Variants in ZFR observed in about 807,000 individuals in gnomAD.
The protein encoded by ZFR is zinc finger RNA binding protein, also known as zinc finger RNA-binding protein.
In ZFR, 19 loss-of-function variants were observed where a neutral mutation model predicts 130.7. The observed-to-expected ratio is 0.15, with a 90% CI of 0.10 to 0.21. ZFR has a LOEUF of 0.21. Among genes scored for constraint, ZFR ranks in the 10% least tolerant of loss-of-function variants. The probability of loss-of-function intolerance (pLI) is 1.00; values close to 1 mark genes in which losing one functional copy is unlikely to be tolerated. For missense variants in ZFR, 872 were observed against 1,321.5 expected (o/e 0.66, Z 5.27); for synonymous variants, 466 against 456.9 (o/e 1.02, Z -0.25).
At chr5:32,368,722 A>G (rs1479203785) in intron 17 of ZFR, among the ~76,000 whole-genome samples, 4 of 152,220 alleles carry the variant, frequency 2.6e-5, no homozygotes, top group Admixed American at 2.6e-4. Context: ...TATCCTCTTC[A>G]TTATAGCTAC....
In ZFR at chr5:32,438,253, A is replaced by ATTTTTTTTTTTTTT. The variant is rs869249272; in HGVS notation, c.137+5962_137+5975dup. On this transcript the variant is annotated intron_variant, in intron 2 of 19. Transcript: ENST00000265069. ...AGAATGCTACTGATTTTATCTGAAA[A>ATTTTTTTTTTTTTT]TTTTTTTTTTTTTTTTTTTTTTTTT... Among the ~76,000 whole-genome samples, 334 of 60,978 alleles carry ATTTTTTTTTTTTTT rather than the reference A, an allele frequency of 5.5e-3. 41 individuals carry two copies. The highest frequency in any genetic ancestry group is 5.7e-3 in the Non-Finnish European group (191 of 33,398). The allele number at this position is 60,978 out of a possible 152,430, so 40.0% of individuals were successfully genotyped here.
intron 17 of ZFR, among the ~76,000 whole-genome samples, chr5:32,376,102 A>C (rs1005246922): frequency 1.3e-5 from 2 of 149,264 alleles, no homozygotes; most frequent in South Asian, 4.3e-4. Flanking sequence ...TCGGCCTCCT[A>C]AAGTGCTGGG....
At chr5:32,409,355 G>C (rs1275632944) in intron 5 of ZFR, among the ~76,000 whole-genome samples, 1 of 152,060 alleles carries the variant, frequency 6.6e-6, no homozygotes, top group East Asian at 1.9e-4. Context: ...CTAATACCAT[G>C]TAAGTGCTAT....
At chr5:32,400,351 T>A (rs911450533) in intron 8 of ZFR, 148 bp from the exon 9 acceptor site, 8 of 578,708 alleles carry the variant, frequency 1.4e-5, no homozygotes, top group Non-Finnish European at 2.2e-5. Context: ...AAGAACTACA[T>A]AAACTACTTG....
rs189784905 is a variant in ZFR at position 32,377,395 on chromosome 5, C to A, written c.2835+1720G>T. ...TTACAGGTGTGCATGTTGGTCAGGG[C>A]AGTCTTGATCTTCTGACCTTGTGAT... On this transcript the variant is annotated intron_variant, in intron 17 of 19. Transcript: ENST00000265069. Among the ~76,000 whole-genome samples, 4 of 150,946 alleles carry A rather than the reference C, an allele frequency of 2.6e-5. No individual in the cohort carries two copies. The East Asian group carries it at 8.3e-4, about 31-fold the overall frequency.
chr5:32,415,114 T>C lies in ZFR; in HGVS notation c.639A>G (p.Ile213Met). 1 of 1,614,190 alleles carries C rather than the reference T, an allele frequency of 6.2e-7. No individual in the cohort carries two copies. The highest frequency in any genetic ancestry group is 8.5e-7 in the Non-Finnish European group (1 of 1,180,026). ...TAGCTGGACTTGGTGTGGCTGGTTT[T>C]ATGGCTGTCACTTGTCGAGTTTGCT... ...QAQQTRQVTA[I>M]KPATPSPATT... Residue 213 changes from isoleucine to methionine, a missense_variant, in exon 5 of 20, where the codon ATA (isoleucine) becomes ATG (methionine). By Grantham distance (10) the Ile-to-Met change is conservative. This residue lies in a region of ZFR where 240 missense variants were observed against 441.2 expected (regional missense o/e 0.54). Transcript: ENST00000265069.
chr5:32,399,626 T>TA lies in ZFR; in HGVS notation c.1713+380dup, dbSNP rs199706498. 6.2e-3 allele frequency among the ~76,000 whole-genome samples: 947 copies of TA among 152,358 alleles called. 3 individuals are homozygous for TA. The highest frequency in any genetic ancestry group is 9.5e-3 in the Non-Finnish European group (647 of 68,036). On this transcript the variant is annotated intron_variant, in intron 9 of 19. Transcript: ENST00000265069. ...TCTGTTAAATCAGCAAACTTAATTT[T>TA]ATCACAAAACTGACTATTCAAAAAT...
rs772338532 is a variant in ZFR at position 32,444,243 on chromosome 5, AGCCGCC to A, written c.117_122del (p.Ala42_Ala43del). The A allele has an allele frequency of 4.4e-6, 7 of 1,582,920 alleles. No homozygotes were observed. In the South Asian group the frequency reaches 4.6e-5, roughly 10 times the overall value. On this transcript the variant is annotated inframe_deletion, in exon 2 of 20. Coordinates refer to ENST00000265069, the MANE Select transcript of ZFR (RefSeq NM_016107.5). ...GATGCCGTTACCTATATTGGGCCGC[AGCCGCC>A]GCCGCCGCCGCCCCGCTGTGGGTGA... is the stretch of plus-strand genomic sequence containing the variant.
chr5:32,356,738 G>C (rs1752322871), intron 19 of ZFR, among the ~76,000 whole-genome samples: 1 of 152,086 alleles, frequency 6.6e-6, no homozygotes, highest in East Asian at 1.9e-4. Context: ...TTTTATTACT[G>C]TATTACAATG....
chr5:32,361,481 T>A (rs1224793266), intron 19 of ZFR, among the ~76,000 whole-genome samples: 1 of 152,210 alleles, frequency 6.6e-6, no homozygotes, highest in Non-Finnish European at 1.5e-5. Context: ...GAGAGACTTA[T>A]AAAAGGTCCT....
intron 8 of ZFR, among the ~76,000 whole-genome samples, chr5:32,402,078 A>G (rs1753460614): frequency 6.6e-6 from 1 of 152,246 alleles, no homozygotes; most frequent in African/African-American, 2.4e-5. Context: ...TGTCCAACTC[A>G]GGTGGGGGTT....
At chr5:32,409,420 G>A (rs1361416456) in intron 5 of ZFR, among the ~76,000 whole-genome samples, 1 of 150,758 alleles carries the variant, frequency 6.6e-6, no homozygotes, top group East Asian at 1.9e-4. Flanking sequence ...ATTCTCCACC[G>A]CCCCACCCCC....
rs1490453844 is a variant in ZFR, at chr5:32,388,705, A to G, written c.2143-31T>C. On this transcript the variant is annotated intron_variant, in intron 12 of 19. Transcript: ENST00000265069. ...GAGAAACAAAGTTGCTCAATTTAAA[A>G]AAAAGTTTCCTGAGCAAAAGCAAAT... is the stretch of plus-strand genomic sequence containing the variant. The G allele has an allele frequency of 3.2e-6, 5 of 1,559,854 alleles. No homozygotes were observed. In the South Asian group the frequency reaches 6.0e-5, roughly 19 times the overall value.
intron 2 of ZFR, among the ~76,000 whole-genome samples, chr5:32,428,304 C>T (rs1754121755): frequency 6.6e-6 from 1 of 152,198 alleles, no homozygotes; most frequent in African/African-American, 2.4e-5. Flanking sequence ...GTCCCAGCTA[C>T]TCAGGGGGCT....
chr5:32,367,381 G>T (rs770178010), intron 17 of ZFR, among the ~76,000 whole-genome samples: 2 of 151,942 alleles, frequency 1.3e-5, no homozygotes, highest in Admixed American at 6.6e-5. Context: ...GTTGCGGTGA[G>T]CTGAGATCAC....
rs1349910853 is a variant in ZFR at position 32,406,861 on chromosome 5, T to C, written c.945A>G (p.Gln315=). Residue 315 remains glutamine (Q), a synonymous_variant, in exon 6 of 20, where the codon CAA becomes CAG. Coordinates refer to ENST00000265069, the MANE Select transcript of ZFR (RefSeq NM_016107.5). ...GTTFTKKAPF[Q]NKQLKPKQPP... is the part of the protein sequence containing the mutation. ...GCTGTTTTGGTTTCAGTTGTTTATT[T>C]TGGAATGGTGCTTTTTTAGTAAAGG... 3 of 1,614,026 alleles carry C rather than the reference T, an allele frequency of 1.9e-6. No individual in the cohort carries two copies. The highest frequency in any genetic ancestry group is 2.2e-5 in the East Asian group (1 of 44,850).
chr5:32,433,536 A>G (rs1221054485), intron 2 of ZFR, among the ~76,000 whole-genome samples: 1 of 152,218 alleles, frequency 6.6e-6, no homozygotes, highest in Admixed American at 6.5e-5. Flanking sequence ...CTGCACTTGC[A>G]GGGTCAAAAT....
At chr5:32,423,449 A>G (rs1394924272) in intron 2 of ZFR, among the ~76,000 whole-genome samples, 1 of 152,220 alleles carries the variant, frequency 6.6e-6, no homozygotes, top group Non-Finnish European at 1.5e-5. Flanking sequence ...ACCATGTGGG[A>G]AATGAACATA....
At chr5:32,380,241 T>G in intron 15 of ZFR, 69 bp from the exon 16 acceptor site, 1 of 1,181,440 alleles carries the variant, frequency 8.5e-7, no homozygotes, top group South Asian at 1.3e-5. Context: ...AGACACTTCC[T>G]TAAGGTAGCA....
Sources: gnomAD v4.1 joint callset for allele counts (sites outside exome capture counted in the v4.1 genomes callset) on GRCh38, gnomAD v4.1.1 for gene constraint, gnomAD v4.1.1 regional missense constraint, MANE v1.5 for transcripts, NCBI Gene and HGNC (gene_info 2026-07-23, HGNC 2026-07-21) for gene names.